XYLT2: variants seen among roughly 807,000 people sequenced by gnomAD.
The protein encoded by XYLT2 is UDP-D-xylose:proteoglycan core protein beta-D-xylosyltransferase.
In XYLT2, 37 loss-of-function variants were observed where a neutral mutation model predicts 82.6. The observed-to-expected ratio is 0.45, with a 90% confidence interval of 0.34 to 0.59. XYLT2 has a LOEUF of 0.59. Among genes scored for constraint, XYLT2 ranks in the 20% least tolerant of loss-of-function variants. The pLI is 0.01. For missense variants in XYLT2, 934 were observed against 1,181.3 expected (o/e 0.79, Z 3.07); for synonymous variants, 474 against 499.0 (o/e 0.95, Z 0.67).
In XYLT2 at chr17:50,354,436, T is replaced by G. The variant is rs1912419078; in HGVS notation, c.657T>G (p.Asp219Glu). The G allele has an allele frequency of 6.2e-7, 1 of 1,610,428 alleles. No homozygotes were observed. The highest frequency in any genetic ancestry group is 1.7e-5 in the Admixed American group (1 of 59,940). ...AGATGAGCCCCGGCATCCAGTGGGA[T>G]GAGAGCCAAGCCCAGCAGCCCATGG... ...TGKMSPGIQW[D>E]ESQAQQPMDG... Residue 219 changes from aspartate (D) to glutamate (E), a missense_variant, in exon 3 of 11, where the codon GAT becomes GAG. Physicochemically the swap from Asp to Glu is conservative, Grantham distance 45. Around this residue, in one of 3 missense-constraint regions of XYLT2, gnomAD observed 371 missense variants for 394.9 expected, o/e 0.94. Coordinates refer to ENST00000017003, the MANE Select transcript of XYLT2 (RefSeq NM_022167.4).
intron 1 of XYLT2, among the ~76,000 whole-genome samples, chr17:50,352,370 A>T (rs756169835): frequency 1.3e-5 from 2 of 152,190 alleles, no homozygotes; most frequent in Non-Finnish European, 2.9e-5. Context: ...GACACCAGCT[A>T]GGTGTCCGTG....
At chr17:50,355,701 AG>A in intron 5 of XYLT2, 79 bp from the exon 6 acceptor site, 1 of 1,585,286 alleles carries the variant, frequency 6.3e-7, no homozygotes, top group Non-Finnish European at 8.6e-7. Flanking sequence ...CAGGTTGAGG[AG>A]TGTTGGTTGC....
In XYLT2 at chr17:50,350,314, C is replaced by A. The variant is rs1178199314; in HGVS notation, c.136-3316C>A. 2.9e-5 allele frequency among the ~76,000 whole-genome samples: 3 copies of A among 104,422 alleles called. 1 individual carries two copies. The highest frequency in any genetic ancestry group is 9.5e-5 in the African/African-American group (3 of 31,548). 68.5% of individuals were successfully genotyped at this position (104,422 alleles called of 152,430 possible). ...GGCACAGTGGCTTAGGCCTGTAATC[C>A]CAGCACTTTGGGAGGCCAAGGTTTG... On this transcript the variant is annotated intron_variant, in intron 1 of 10. Transcript: ENST00000017003.
chr17:50,359,957 C>G lies in XYLT2; in HGVS notation c.2276-12C>G. The G allele has an allele frequency of 2.5e-6, 4 of 1,574,626 alleles. No homozygotes were observed. Among genetic ancestry groups the G allele is most frequent in the Non-Finnish European group, 3.5e-6 (4 of 1,157,802 alleles). On this transcript the variant is annotated splice_polypyrimidine_tract_variant and intron_variant, in intron 10 of 10. Coordinates refer to ENST00000017003, the MANE Select transcript of XYLT2 (RefSeq NM_022167.4). ...GCAGGGGGTGTGCTTACTGCCTGCTCTGCACCCACAGATGATGCCAGCTGG... is the reference window on the plus strand; with the variant it reads ...GCAGGGGGTGTGCTTACTGCCTGCTGTGCACCCACAGATGATGCCAGCTGG...
chr17:50,352,959 C>T (rs564712655), intron 1 of XYLT2, among the ~76,000 whole-genome samples: 17 of 152,296 alleles, frequency 1.1e-4, no homozygotes, highest in Middle Eastern at 3.4e-3. Context: ...CTTGCATGGC[C>T]GTCTCCTTTG....
chr17:50,356,769 T>G lies in XYLT2; in HGVS notation c.1741T>G (p.Cys581Gly). 3.7e-6 allele frequency: 6 copies of G among 1,601,048 alleles called. No individual in the cohort carries two copies. The highest frequency in any genetic ancestry group is 5.1e-6 in the Non-Finnish European group (6 of 1,178,634). ...TAAPPMGTPL[C>G]RFEPRGLPSS... ...TGCACCCCCAATGGGCACCCCACTC[T>G]GCAGGTGAGACCCCCTTCTGACATA... is the stretch of plus-strand genomic sequence containing the variant. The change falls in exon 8 of 11, where the codon TGC becomes GGC. Residue 581 changes from cysteine (C) to glycine (G), a missense_variant. This residue lies in a region of XYLT2 where 374 missense variants were observed against 465.6 expected (regional missense o/e 0.80). Transcript: ENST00000017003.
intron 9 of XYLT2, chr17:50,357,870 G>A (rs1912616631): frequency 7.3e-6 from 2 of 273,022 alleles, no homozygotes; most frequent in South Asian, 2.0e-4. Flanking sequence ...GCAAGCCACC[G>A]CGCCTGGCCC....
intron 10 of XYLT2, among the ~76,000 whole-genome samples, chr17:50,358,766 C>T (rs1052040450): frequency 2.0e-5 from 3 of 152,234 alleles, no homozygotes; most frequent in African/African-American, 7.2e-5. Context: ...TGGAACATAA[C>T]TCTCACAAGT....
rs1912655286 is a variant in XYLT2 at position 50,358,506 on chromosome 17, C to T, written c.2241C>T (p.Pro747=). The T allele has an allele frequency of 6.2e-7, 1 of 1,613,306 alleles. No homozygotes were observed. The highest frequency in any genetic ancestry group is 2.2e-5 in the East Asian group (1 of 44,854). ...PLGETRFLVL[P]LTFNRKLPLR... is the part of the protein sequence containing the mutation. ...GTGAGACCCGCTTCCTTGTGCTGCC[C>T]TTGACCTTCAACCGCAAACTACCTC... Residue 747 remains proline (P), a synonymous_variant, in exon 10 of 11, where the codon CCC becomes CCT. Coordinates refer to ENST00000017003, the MANE Select transcript of XYLT2 (RefSeq NM_022167.4).
rs1912066688 is a variant in XYLT2, at chr17:50,346,910, G to A, written c.135+635G>A. 1 of 985,420 alleles carries A rather than the reference G, an allele frequency of 1.0e-6. No homozygotes were observed. Among genetic ancestry groups the A allele is most frequent in the Non-Finnish European group, 1.2e-6 (1 of 829,928 alleles). 61.0% of individuals were successfully genotyped at this position (985,420 alleles called of 1,614,324 possible). A position where few individuals can be genotyped will look rare whatever the true frequency, so the allele number is the denominator to read the frequency against. On this transcript the variant is annotated intron_variant, in intron 1 of 10. Coordinates refer to ENST00000017003, the MANE Select transcript of XYLT2 (RefSeq NM_022167.4). This position sits in a 1 kb window ranked among gnomAD's most constrained non-coding sequence, Gnocchi z 5.1. ...GAAGAACCTGGATGGGTCTCCGGAGGGCAGGGAGAGGAGGAACTGAGCTGG... is the reference window on the plus strand; with the variant it reads ...GAAGAACCTGGATGGGTCTCCGGAGAGCAGGGAGAGGAGGAACTGAGCTGG...
rs1336159526 is a variant in XYLT2, at chr17:50,346,169, T to A, written c.29T>A (p.Leu10Gln). 6 of 1,283,688 alleles carry A rather than the reference T, an allele frequency of 4.7e-6. No individual in the cohort carries two copies. The highest frequency in any genetic ancestry group is 5.1e-6 in the Non-Finnish European group (5 of 989,776). The allele number at this position is 1,283,688 out of a possible 1,614,324, so 79.5% of individuals were successfully genotyped here. The part of the protein sequence containing the change: MVASARVQK[L>Q]VRRYKLAIAT... Reference sequence around the variant, plus strand: ...GTGGCGAGCGCGCGAGTGCAGAAGCTGGTGCGGCGCTACAAGCTGGCGATT... The same window carrying A: ...GTGGCGAGCGCGCGAGTGCAGAAGCAGGTGCGGCGCTACAAGCTGGCGATT... Residue 10 changes from leucine (L) to glutamine (Q), a missense_variant, in exon 1 of 11, where the codon CTG becomes CAG. Physicochemically the swap from Leu to Gln is moderately radical, Grantham distance 113 (BLOSUM62 -2). Coordinates refer to ENST00000017003, the MANE Select transcript of XYLT2 (RefSeq NM_022167.4). The surrounding 1 kb of genome is among the most constrained non-coding windows in gnomAD (Gnocchi z 5.1).
chr17:50,354,691 T>G (rs1023608054), intron 3 of XYLT2, 108 bp downstream of exon 3: 14 of 1,516,728 alleles, frequency 9.2e-6, no homozygotes, highest in Non-Finnish European at 1.1e-5. Context: ...GGAGGGAAAC[T>G]GAGGCCCTGA....
At chr17:50,355,703 T>C in intron 5 of XYLT2, 78 bp from the exon 6 acceptor site, 1 of 1,583,962 alleles carries the variant, frequency 6.3e-7, no homozygotes, top group South Asian at 1.1e-5. Flanking sequence ...GGTTGAGGAG[T>C]GTTGGTTGCC....
chr17:50,360,858 G>A lies in XYLT2; in HGVS notation c.*567G>A. 1.0e-6 allele frequency: 1 copy of A among 985,958 alleles called. No homozygotes were observed. The highest frequency in any genetic ancestry group is 1.2e-6 in the Non-Finnish European group (1 of 830,000). The allele number at this position is 985,958 out of a possible 1,614,324, so 61.1% of individuals were successfully genotyped here. A position where few individuals can be genotyped will look rare whatever the true frequency, so the allele number is the denominator to read the frequency against. On this transcript the variant is annotated 3_prime_UTR_variant, in exon 11 of 11. Coordinates refer to ENST00000017003, the MANE Select transcript of XYLT2 (RefSeq NM_022167.4). ...GCCCGAAGAACAGGTGATATCGGGG[G>A]CGCTGCAGAGCTGGGCTCTAGCAGG...
intron 1 of XYLT2, among the ~76,000 whole-genome samples, chr17:50,349,547 G>A (rs1251079987): frequency 6.6e-6 from 1 of 152,162 alleles, no homozygotes; most frequent in Non-Finnish European, 1.5e-5. Context: ...CCAGGAGTTC[G>A]AGACCAGCTT....
Position 50,360,571 on chromosome 17 carries a change from C to CATTTT in XYLT2, c.*280_*281insATTTT. 1.0e-6 allele frequency: 1 copy of CATTTT among 976,916 alleles called. No individual in the cohort carries two copies. Among genetic ancestry groups the CATTTT allele is most frequent in the Non-Finnish European group, 1.2e-6 (1 of 824,510 alleles). The allele number at this position is 976,916 out of a possible 1,614,324, so 60.5% of individuals were successfully genotyped here. On this transcript the variant is annotated 3_prime_UTR_variant, in exon 11 of 11. Transcript: ENST00000017003. ...TGTCTAGTTTGAATTTCTTTTTTTT[C>CATTTT]TTTTTTTTTTTTTTTTTTTAATTTA...
intron 1 of XYLT2, among the ~76,000 whole-genome samples, chr17:50,351,784 G>A (rs544105751): frequency 9.9e-5 from 15 of 152,256 alleles, no homozygotes; most frequent in South Asian, 6.2e-4. Context: ...GAGGTCTATC[G>A]AGCTCCCATG....
chr17:50,346,897 T>C lies in XYLT2; in HGVS notation c.135+622T>C, dbSNP rs908401332. 2 of 985,120 alleles carry C rather than the reference T, an allele frequency of 2.0e-6. No individual in the cohort carries two copies. Among genetic ancestry groups the C allele is most frequent in the African/African-American group, 3.5e-5 (2 of 57,190 alleles). The allele number at this position is 985,120 out of a possible 1,614,324, so 61.0% of individuals were successfully genotyped here. ...CAGCCGGGGGTTTGAAGAACCTGGA[T>C]GGGTCTCCGGAGGGCAGGGAGAGGA... On this transcript the variant is annotated intron_variant, in intron 1 of 10. Coordinates refer to ENST00000017003, the MANE Select transcript of XYLT2 (RefSeq NM_022167.4). The surrounding 1 kb of genome is among the most constrained non-coding windows in gnomAD (Gnocchi z 5.1).
chr17:50,355,202 C>A, intron 4 of XYLT2, 146 bp downstream of exon 4: 1 of 925,368 alleles, frequency 1.1e-6, no homozygotes, highest in Non-Finnish European at 1.6e-6. Context: ...TGGGCCCCAG[C>A]TATGTTTTAG....
Sources: allele counts gnomAD v4.1 joint callset (sites outside exome capture counted in the v4.1 genomes callset), GRCh38; gene constraint gnomAD v4.1.1; regional missense constraint gnomAD v4.1.1; non-coding constraint Gnocchi (gnomAD v3.1); transcripts MANE v1.5; gene names NCBI Gene and HGNC (gene_info 2026-07-23, HGNC 2026-07-21).